The following DIP2A variants were observed in gnomAD, a reference collection of about 807,000 sequenced individuals.
The protein encoded by DIP2A is DIP2 acetate--CoA ligase A.
Under a neutral mutation model 177.4 loss-of-function variants are expected in DIP2A, and 85 were observed. The observed-to-expected ratio is 0.48, with a 90% CI of 0.40 to 0.57. The LOEUF is 0.57. Ranked by LOEUF, DIP2A falls within the 20% of genes least tolerant of loss-of-function variation. The probability of loss-of-function intolerance (pLI) is 0.00; values close to 1 mark genes in which losing one functional copy is unlikely to be tolerated. For synonymous variants in DIP2A, 886 were observed against 881.8 expected (o/e 1.00, Z -0.08); for missense variants, 1,791 against 2,100.2 (o/e 0.85, Z 2.88).
At chr21:46,486,070 CA>C (rs1174271396) in intron 2 of DIP2A, among the ~76,000 whole-genome samples, 22 of 60,064 alleles carry the variant, frequency 3.7e-4, no homozygotes, top group East Asian at 3.5e-3. Flanking sequence ...GACTTCATCT[CA>C]AAAAAAAAAA....
chr21:46,517,673 C>T (rs1180039479), intron 8 of DIP2A, among the ~76,000 whole-genome samples: 2 of 152,226 alleles, frequency 1.3e-5, no homozygotes, highest in African/African-American at 2.4e-5. Context: ...TCCACATGGG[C>T]TCTTGGTCTC....
chr21:46,574,548 C>T (rs1056864701), downstream of DIP2A, among the ~76,000 whole-genome samples: 5 of 151,880 alleles, frequency 3.3e-5, no homozygotes, highest in Non-Finnish European at 7.4e-5. Context: ...TTGAAAAGAT[C>T]AACAAAATTG....
intron 1 of DIP2A, among the ~76,000 whole-genome samples, chr21:46,472,012 AC>A (rs1270129425): frequency 6.6e-6 from 1 of 152,248 alleles, no homozygotes; most frequent in African/African-American, 2.4e-5. Context: ...AGTCTCTGAA[AC>A]AAAAGGACAC....
chr21:46,560,600 G>A (rs1208824276), intron 32 of DIP2A, 122 bp from the exon 33 acceptor site: 3 of 1,373,142 alleles, frequency 2.2e-6, no homozygotes, highest in Non-Finnish European at 3.0e-6. Flanking sequence ...GCAGGGAGCA[G>A]AGCTGCTACC....
At chr21:46,505,423 G>A (rs1410166644) in intron 6 of DIP2A, among the ~76,000 whole-genome samples, 2 of 151,974 alleles carry the variant, frequency 1.3e-5, no homozygotes, top group Non-Finnish European at 2.9e-5. Context: ...CCTGGCTAAC[G>A]TGGTGAAACC....
At chr21:46,482,964 T>G (rs1038650009) in intron 1 of DIP2A, among the ~76,000 whole-genome samples, 4 of 152,346 alleles carry the variant, frequency 2.6e-5, no homozygotes, top group Admixed American at 6.5e-5. Flanking sequence ...ATTGTACAGT[T>G]ATATCCTGAA....
intron 17 of DIP2A, among the ~76,000 whole-genome samples, chr21:46,541,397 G>A (rs962354823): frequency 4.6e-5 from 7 of 152,268 alleles, no homozygotes; most frequent in Middle Eastern, 6.8e-3. Flanking sequence ...GGGCTTCCTT[G>A]CAGTGCAGTG....
intron 13 of DIP2A, among the ~76,000 whole-genome samples, chr21:46,536,025 A>G (rs1269005325): frequency 2.0e-5 from 3 of 152,254 alleles, no homozygotes; most frequent in African/African-American, 4.8e-5. Context: ...CATGCCAATG[A>G]GTAATGGGAT....
Position 46,496,521 on chromosome 21 carries a change from A to G in DIP2A, c.284-467A>G, listed in dbSNP as rs562432315. 4.6e-5 allele frequency among the ~76,000 whole-genome samples: 7 copies of G among 152,354 alleles called. No homozygotes were observed. The South Asian group carries it at 1.4e-3, about 32-fold the overall frequency. The stretch of plus-strand genomic sequence containing the variant: ...GGGCCACGTTGGAAGAAGAATAATT[A>G]TCCTGGGCCACACATAAAATACACT... On this transcript the variant is annotated intron_variant, in intron 3 of 37. Transcript: ENST00000417564.
intron 9 of DIP2A, among the ~76,000 whole-genome samples, chr21:46,530,534 G>A (rs113379708): frequency 1.1e-4 from 16 of 152,286 alleles, no homozygotes; most frequent in Middle Eastern, 3.4e-3. Flanking sequence ...AGATGAAGAT[G>A]TTTCATAAGT....
intron 23 of DIP2A, 71 bp from the exon 24 acceptor site, chr21:46,551,563 G>A (rs1335947833): frequency 1.5e-6 from 2 of 1,315,506 alleles, no homozygotes; most frequent in Non-Finnish European, 2.1e-6. Flanking sequence ...AATAAAAATT[G>A]TAAATAAAAT....
At chr21:46,546,027 C>G in intron 20 of DIP2A, 66 bp downstream of exon 20, 1 of 1,609,564 alleles carries the variant, frequency 6.2e-7, no homozygotes, top group African/African-American at 1.3e-5. Context: ...TAAGGGACAC[C>G]TCGTTGCAGC....
intron 22 of DIP2A, among the ~76,000 whole-genome samples, chr21:46,550,291 T>G (rs1157053948): frequency 6.6e-6 from 1 of 152,200 alleles, no homozygotes; most frequent in Admixed American, 6.5e-5. Context: ...GCCCCATCCC[T>G]CAGCCTCTGA....
intron 8 of DIP2A, among the ~76,000 whole-genome samples, chr21:46,512,830 C>A (rs201510567): frequency 6.7e-6 from 1 of 150,116 alleles, no homozygotes; most frequent in Non-Finnish European, 1.5e-5. Flanking sequence ...ACAAAAAAAA[C>A]TTTTTTTTTG....
intron 9 of DIP2A, among the ~76,000 whole-genome samples, chr21:46,530,612 G>A (rs868537928): frequency 1.3e-5 from 2 of 152,156 alleles, no homozygotes; most frequent in Non-Finnish European, 2.9e-5. Context: ...AAAAAGACTC[G>A]ATCAAGAAGA....
downstream of DIP2A, among the ~76,000 whole-genome samples, chr21:46,570,672 A>G (rs1220089735): frequency 6.6e-6 from 1 of 152,240 alleles, no homozygotes; most frequent in African/African-American, 2.4e-5. Flanking sequence ...TTCTACTGGA[A>G]TGATCAGCAT....
chr21:46,573,708 A>G (rs574876012), downstream of DIP2A, among the ~76,000 whole-genome samples: 2 of 148,054 alleles, frequency 1.4e-5, no homozygotes, highest in South Asian at 2.2e-4. Flanking sequence ...ATAGTAATCA[A>G]CAGGGAGCAG....
intron 28 of DIP2A, chr21:46,555,500 G>T: frequency 5.1e-6 from 1 of 196,648 alleles, no homozygotes. Flanking sequence ...CAAGGGGAGC[G>T]GTGCCTGCCC....
chr21:46,558,819 C>T (rs778729428), intron 32 of DIP2A: 8 of 260,898 alleles, frequency 3.1e-5, no homozygotes, highest in Non-Finnish European at 5.2e-5. Flanking sequence ...AAGTTTCAGG[C>T]CAGGAGTGGT....
Sources: gnomAD v4.1 joint callset for allele counts (sites outside exome capture counted in the v4.1 genomes callset) on GRCh38, gnomAD v4.1.1 for gene constraint, MANE v1.5 for transcripts, NCBI Gene and HGNC (gene_info 2026-07-23, HGNC 2026-07-21) for gene names.